Variants in MON2 observed in about 807,000 individuals in gnomAD.
MON2 encodes MON2 regulator of endosome-to-Golgi trafficking.
In MON2, 84 loss-of-function variants were observed where a neutral mutation model predicts 208.6. That is an observed-to-expected ratio of 0.40 (90% CI 0.34 to 0.48). The LOEUF is 0.48. Among genes scored for constraint, MON2 ranks in the 20% least tolerant of loss-of-function variants. The pLI, the probability that MON2 is intolerant of heterozygous loss-of-function variation, is 0.59. For missense variants in MON2, 1,611 were observed against 2,015.4 expected (o/e 0.80, Z 3.84); for synonymous variants, 660 against 694.0 (o/e 0.95, Z 0.77).
chr12:62,548,464 A>C (rs2073596549), intron 22 of MON2, among the ~76,000 whole-genome samples: 2 of 152,120 alleles, frequency 1.3e-5, no homozygotes, highest in African/African-American at 4.8e-5. Flanking sequence ...CATTGGATAG[A>C]TTTTTCTGTA....
chr12:62,526,418 T>C (rs1051150088), intron 11 of MON2, among the ~76,000 whole-genome samples: 1 of 152,196 alleles, frequency 6.6e-6, no homozygotes, highest in African/African-American at 2.4e-5. Flanking sequence ...GGTCTTCTAA[T>C]ATTAGCTGAG....
chr12:62,556,102 G>T lies in MON2; in HGVS notation c.3319G>T (p.Ala1107Ser). The change falls in exon 25 of 35, where the codon GCC (alanine) becomes TCC (serine). Residue 1107 changes from alanine (A) to serine (S), a missense_variant. By Grantham distance (99) the Ala-to-Ser change is moderately conservative (BLOSUM62 1). Coordinates refer to ENST00000393630, the MANE Select transcript of MON2 (RefSeq NM_015026.3). ...TCTCATTCATCATTCAAGGGACACC[G>T]CCGAGAAGCAATGGGCTGAGACGTG... ...NILIHHSRDT[A>S]EKQWAETWVL... 6.2e-7 allele frequency: 1 copy of T among 1,613,972 alleles called. No homozygotes were observed. The highest frequency in any genetic ancestry group is 8.5e-7 in the Non-Finnish European group (1 of 1,179,992).
intron 8 of MON2, among the ~76,000 whole-genome samples, chr12:62,522,987 G>T (rs1421250280): frequency 1.3e-5 from 2 of 152,102 alleles, no homozygotes; most frequent in African/African-American, 4.8e-5. Context: ...TTATTCCTTC[G>T]GCTGTAATAT....
chr12:62,578,418 T>C, intron 30 of MON2, 27 bp from the exon 31 acceptor site: 2 of 1,323,012 alleles, frequency 1.5e-6, no homozygotes, highest in Non-Finnish European at 2.1e-6. Context: ...ATTTTATCTT[T>C]AAAAATCAAG....
At chr12:62,530,619 A>C (rs952303946) in intron 11 of MON2, among the ~76,000 whole-genome samples, 2 of 152,192 alleles carry the variant, frequency 1.3e-5, no homozygotes, top group African/African-American at 4.8e-5. Flanking sequence ...AATATATGGA[A>C]TCACTTTTTT....
chr12:62,548,284 A>G (rs2073584437), intron 22 of MON2, among the ~76,000 whole-genome samples: 1 of 152,172 alleles, frequency 6.6e-6, no homozygotes, highest in African/African-American at 2.4e-5. Flanking sequence ...CATAGGGGAA[A>G]ATAGCAATCA....
intron 24 of MON2, 65 bp from the exon 25 acceptor site, chr12:62,555,929 C>A: frequency 8.4e-7 from 1 of 1,190,720 alleles, no homozygotes; most frequent in Non-Finnish European, 1.2e-6. Context: ...TATGCTGTTG[C>A]TCCTATGCTA....
At chr12:62,551,823 A>T (rs749396738) in intron 23 of MON2, among the ~76,000 whole-genome samples, 6 of 152,240 alleles carry the variant, frequency 3.9e-5, no homozygotes, top group Non-Finnish European at 7.3e-5. Flanking sequence ...TTTTAAATGT[A>T]TATTAAAACT....
chr12:62,520,953 CTATTT>C (rs2072003747), intron 8 of MON2, among the ~76,000 whole-genome samples: 1 of 147,360 alleles, frequency 6.8e-6, no homozygotes, highest in Admixed American at 6.8e-5. Context: ...CAAAATCAAT[CTATTT>C]TATTTTTATT....
chr12:62,482,552 C>T (rs1194324626), intron 1 of MON2: 3 of 152,082 alleles, frequency 2.0e-5, no homozygotes, highest in Non-Finnish European at 4.4e-5. Flanking sequence ...CTTATGAGTA[C>T]GTACTTACTA....
chr12:62,516,496 G>A (rs1263908235), intron 8 of MON2, among the ~76,000 whole-genome samples: 1 of 152,142 alleles, frequency 6.6e-6, no homozygotes, highest in Non-Finnish European at 1.5e-5. Flanking sequence ...CATGAGGTCG[G>A]GAGTTCAAGA....
At chr12:62,471,724 T>A (rs1454204501) in intron 1 of MON2, among the ~76,000 whole-genome samples, 1 of 152,156 alleles carries the variant, frequency 6.6e-6, no homozygotes, top group Non-Finnish European at 1.5e-5. Context: ...AGAAAAAGGC[T>A]GCTGGGCAGA....
intron 6 of MON2, 115 bp from the exon 7 acceptor site, chr12:62,501,458 G>A: frequency 8.1e-7 from 1 of 1,229,500 alleles, no homozygotes; most frequent in African/African-American, 1.5e-5. Flanking sequence ...AGTTTCTAAG[G>A]AGCAAAAACA....
chr12:62,551,953 A>C (rs760289128), intron 23 of MON2, among the ~76,000 whole-genome samples: 2 of 152,174 alleles, frequency 1.3e-5, no homozygotes, highest in Non-Finnish European at 2.9e-5. Context: ...GATTCAACCA[A>C]CTATAAATAG....
intron 24 of MON2, among the ~76,000 whole-genome samples, chr12:62,553,949 T>G (rs1409291866): frequency 6.6e-6 from 1 of 152,158 alleles, no homozygotes; most frequent in Admixed American, 6.5e-5. Context: ...TTTAGGAGGC[T>G]GAGGCAGCAG....
chr12:62,556,234 TAAAAG>T (rs2073960847), intron 25 of MON2, 42 bp downstream of exon 25: 3 of 1,567,888 alleles, frequency 1.9e-6, no homozygotes, highest in African/African-American at 1.4e-5. Context: ...TAATTAATGT[TAAAAG>T]AAATTTGGAA....
chr12:62,534,543 A>ATATATATATATATATATAT (rs2072850098), intron 12 of MON2, among the ~76,000 whole-genome samples: 3 of 21,912 alleles, frequency 1.4e-4, no homozygotes, highest in African/African-American at 5.7e-4. Flanking sequence ...AAAAAAAAAA[A>ATATATATATATATATATAT]TATATATATA....
At chr12:62,578,904 G>A (rs935516484) in intron 31 of MON2, among the ~76,000 whole-genome samples, 1 of 152,134 alleles carries the variant, frequency 6.6e-6, no homozygotes, top group Admixed American at 6.5e-5. Context: ...TGTATATACA[G>A]CCTATGGAAT....
intron 25 of MON2, 41 bp from the exon 26 acceptor site, chr12:62,560,450 C>A: frequency 1.3e-6 from 2 of 1,526,858 alleles, no homozygotes; most frequent in South Asian, 2.6e-5. Context: ...AAAATTTGAT[C>A]GCTTTTATGA....
Sources: allele counts gnomAD v4.1 joint callset (sites outside exome capture counted in the v4.1 genomes callset), GRCh38; gene constraint gnomAD v4.1.1; transcripts MANE v1.5; gene names NCBI Gene and HGNC (gene_info 2026-07-23, HGNC 2026-07-21).